SUGCT: variants seen among roughly 807,000 people sequenced by gnomAD.
SUGCT encodes succinyl-CoA:glutarate-CoA transferase.
A neutral mutation model predicts 55.0 loss-of-function variants in SUGCT; 41 were observed. The ratio of observed to expected loss-of-function variants is 0.74; its 90% confidence interval spans 0.58 to 0.97. The LOEUF is 0.97. SUGCT is among the 50% of genes least tolerant of loss of function. SUGCT has a pLI of 0.00. For synonymous variants in SUGCT, 187 were observed against 200.4 expected (o/e 0.93, Z 0.56); for missense variants, 568 against 547.8 (o/e 1.04, Z -0.37).
At chr7:40,964,000 A>G in the SUGCT span, among the ~76,000 whole-genome samples, 1 of 152,192 alleles carries the variant, frequency 6.6e-6, no homozygotes, top group Non-Finnish European at 1.5e-5. Flanking sequence ...CCTTGAACTG[A>G]TGTCCCCCAG....
intron 9 of SUGCT, among the ~76,000 whole-genome samples, chr7:40,439,350 A>G (rs757942023): frequency 9.2e-5 from 14 of 151,490 alleles, no homozygotes; most frequent in South Asian, 4.2e-4. Flanking sequence ...ACACCTCCCC[A>G]TGCCTAGCCA....
intron 11 of SUGCT, among the ~76,000 whole-genome samples, chr7:40,487,258 T>G (rs1335659092): frequency 1.5e-5 from 2 of 133,846 alleles, no homozygotes; most frequent in Non-Finnish European, 3.2e-5. Flanking sequence ...CTGTTTTTTT[T>G]TTTTTTTTTT....
At chr7:40,311,076 C>T (rs1392787256) in intron 8 of SUGCT, among the ~76,000 whole-genome samples, 3 of 152,234 alleles carry the variant, frequency 2.0e-5, no homozygotes, top group Non-Finnish European at 2.9e-5. Flanking sequence ...CCCTGATTTC[C>T]GTTTTTCTGT....
intron 9 of SUGCT, among the ~76,000 whole-genome samples, chr7:40,358,717 A>AAACAAC (rs71560193): frequency 0.36 from 54,855 of 150,602 alleles, 10,420 homozygotes; most frequent in South Asian, 0.48. Flanking sequence ...TCCATCTCAA[A>AAACAAC]AACAACAACA....
intron 12 of SUGCT, among the ~76,000 whole-genome samples, chr7:40,562,764 T>A (rs1002026958): frequency 2.0e-5 from 3 of 151,992 alleles, no homozygotes; most frequent in African/African-American, 4.8e-5. Context: ...GAAAGAAGGG[T>A]CAGACAGAAG....
intron 13 of SUGCT, among the ~76,000 whole-genome samples, chr7:40,808,953 A>T (rs13225441): frequency 6.6e-6 from 1 of 152,166 alleles, no homozygotes; most frequent in African/African-American, 2.4e-5. Flanking sequence ...CTGACTCTGT[A>T]CCTAACGAAC....
the SUGCT span, among the ~76,000 whole-genome samples, chr7:41,003,463 C>T: frequency 4.6e-5 from 7 of 152,220 alleles, no homozygotes; most frequent in East Asian, 7.7e-4. Context: ...GATAGGCAGG[C>T]GACAAGGGCC....
chr7:40,665,975 C>G (rs1801608370), intron 12 of SUGCT, among the ~76,000 whole-genome samples: 1 of 151,954 alleles, frequency 6.6e-6, no homozygotes, highest in Non-Finnish European at 1.5e-5. Flanking sequence ...ATATAAGCCT[C>G]TGTATAGGGT....
chr7:40,294,494 C>T (rs1011736666), intron 8 of SUGCT, among the ~76,000 whole-genome samples: 5 of 152,184 alleles, frequency 3.3e-5, no homozygotes, highest in African/African-American at 1.2e-4. Flanking sequence ...CCAGAGTTTA[C>T]ATACCAGTCT....
At chr7:40,494,029 T>C (rs1791841404) in intron 11 of SUGCT, among the ~76,000 whole-genome samples, 1 of 152,164 alleles carries the variant, frequency 6.6e-6, no homozygotes. Context: ...CCAGAGTGCA[T>C]CCATTGTTTT....
At chr7:40,637,405 T>C (rs1800067003) in intron 12 of SUGCT, among the ~76,000 whole-genome samples, 1 of 152,210 alleles carries the variant, frequency 6.6e-6, no homozygotes, top group African/African-American at 2.4e-5. Flanking sequence ...AGGAGAGGTA[T>C]GGCTGAGGCA....
At chr7:40,959,112 G>A in the SUGCT span, among the ~76,000 whole-genome samples, 1 of 152,196 alleles carries the variant, frequency 6.6e-6, no homozygotes. Context: ...GACCCCTGCT[G>A]GGAGGTGTCT....
chr7:40,572,304 C>T (rs1362681114), intron 12 of SUGCT, among the ~76,000 whole-genome samples: 2 of 151,966 alleles, frequency 1.3e-5, no homozygotes, highest in Admixed American at 1.3e-4. Context: ...ATTTCTTTTG[C>T]CTCCCCAAAG....
intron 8 of SUGCT, among the ~76,000 whole-genome samples, chr7:40,280,238 A>G (rs1351655317): frequency 3.3e-5 from 5 of 152,232 alleles, no homozygotes; most frequent in Admixed American, 3.3e-4. Context: ...TTTTAAGGCT[A>G]TAAACTTTCA....
At chr7:40,365,788 T>C (rs1049586699) in intron 9 of SUGCT, among the ~76,000 whole-genome samples, 1 of 152,076 alleles carries the variant, frequency 6.6e-6, no homozygotes, top group Non-Finnish European at 1.5e-5. Context: ...GGAAGAACAT[T>C]CCATGCTCAT....
intron 6 of SUGCT, among the ~76,000 whole-genome samples, chr7:40,219,753 T>C (rs1439775427): frequency 2.0e-5 from 3 of 152,072 alleles, no homozygotes; most frequent in Admixed American, 6.5e-5. Flanking sequence ...AAACTTCTTA[T>C]CACCAAAGGG....
intron 9 of SUGCT, among the ~76,000 whole-genome samples, chr7:40,419,659 G>A (rs925551392): frequency 2.6e-5 from 4 of 152,152 alleles, no homozygotes; most frequent in Admixed American, 2.6e-4. Flanking sequence ...CAGGTCCACT[G>A]TTGAGGTCCA....
intron 12 of SUGCT, among the ~76,000 whole-genome samples, chr7:40,689,047 G>C (rs964386900): frequency 2.6e-5 from 4 of 152,154 alleles, no homozygotes; most frequent in African/African-American, 9.7e-5. Flanking sequence ...GTTTATCAAG[G>C]AAGGAAGGAA....
At chr7:40,899,934 G>T in the SUGCT span, among the ~76,000 whole-genome samples, 1 of 152,188 alleles carries the variant, frequency 6.6e-6, no homozygotes, top group South Asian at 2.1e-4. Flanking sequence ...GATGAAGGCA[G>T]CCCAGGCCTG....
Sources: allele counts gnomAD v4.1 joint callset (sites outside exome capture counted in the v4.1 genomes callset), GRCh38; gene constraint gnomAD v4.1.1; transcripts MANE v1.5; gene names NCBI Gene and HGNC (gene_info 2026-07-23, HGNC 2026-07-21).